The following ATP8B4 variants were observed in gnomAD, a reference collection of about 807,000 sequenced individuals.
The protein encoded by ATP8B4 is probable phospholipid-transporting ATPase IM.
ATP8B4 carries 133 observed loss-of-function variants against 145.6 expected under a neutral mutation model. That is an observed-to-expected ratio of 0.91 (90% CI 0.79 to 1.05). ATP8B4 has a LOEUF of 1.05. Among genes scored for constraint, ATP8B4 ranks in the 50% least tolerant of loss-of-function variants. The pLI, the probability that ATP8B4 is intolerant of heterozygous loss-of-function variation, is 0.00. For missense variants in ATP8B4, 1,458 were observed against 1,425.2 expected, an observed-to-expected ratio of 1.02 and a Z score of -0.37; for synonymous variants, 507 against 492.9, an observed-to-expected ratio of 1.03 and a Z score of -0.38.
chr15:49,915,051 A>G (rs1039015554), intron 20 of ATP8B4, among the ~76,000 whole-genome samples: 1 of 152,192 alleles, frequency 6.6e-6, no homozygotes, highest in Admixed American at 6.5e-5. Flanking sequence ...TATATATGAA[A>G]TCAACCCAAG....
intron 1 of ATP8B4, among the ~76,000 whole-genome samples, chr15:50,169,594 A>G (rs1308812493): frequency 6.6e-6 from 1 of 152,188 alleles, no homozygotes; most frequent in African/African-American, 2.4e-5. Context: ...CAGAAAACCA[A>G]CCCTGGTAAT....
chr15:50,090,120 C>A (rs1481108172), intron 2 of ATP8B4, among the ~76,000 whole-genome samples: 1 of 152,086 alleles, frequency 6.6e-6, no homozygotes. Flanking sequence ...GAACAAAGAA[C>A]CAAACATCGC....
chr15:49,898,384 T>C (rs1040453933), intron 21 of ATP8B4, 133 bp from the exon 22 acceptor site: 6 of 973,798 alleles, frequency 6.2e-6, no homozygotes, highest in African/African-American at 3.3e-5. Flanking sequence ...CAAAAAGTCA[T>C]TGTTGATTCA....
At chr15:50,124,143 A>G (rs1283213808), upstream of ATP8B4, among the ~76,000 whole-genome samples, 2 of 152,144 alleles carry the variant, frequency 1.3e-5, no homozygotes, top group Non-Finnish European at 2.9e-5. Context: ...ATAGCCTTTA[A>G]TATCTAAAAA....
chr15:49,961,824 A>C (rs1234704065), intron 14 of ATP8B4, among the ~76,000 whole-genome samples, 153 bp downstream of exon 14: 1 of 152,032 alleles, frequency 6.6e-6, no homozygotes. Context: ...TATGAGAAGG[A>C]ATTTTGAATC....
At chr15:50,066,952 C>T (rs1029190862) in intron 3 of ATP8B4, among the ~76,000 whole-genome samples, 1 of 152,146 alleles carries the variant, frequency 6.6e-6, no homozygotes, top group Non-Finnish European at 1.5e-5. Context: ...GTTCACCACT[C>T]CCTCTTTCCT....
chr15:50,060,366 AAAC>A, intron 3 of ATP8B4, among the ~76,000 whole-genome samples: 1 of 152,228 alleles, frequency 6.6e-6, no homozygotes, highest in East Asian at 1.9e-4. Context: ...CACCACAACG[AAAC>A]AACAATCCAA....
At chr15:50,072,980 CTATATATATATATATATATATA>C (rs374525582) in intron 3 of ATP8B4, among the ~76,000 whole-genome samples, 1 of 22,888 alleles carries the variant, frequency 4.4e-5, no homozygotes, top group South Asian at 2.1e-3. Context: ...CTCTCTCTCT[CTATATATATATATATATATATA>C]TATATATATA....
At position 49,920,254 on chromosome 15, in the gene ATP8B4, C is replaced by G; in HGVS notation, c.1915G>C (p.Asp639His). Residue 639 changes from aspartate (D) to histidine (H), a missense_variant, in exon 18 of 28, where the codon GAT becomes CAT. Coordinates refer to ENST00000284509, the MANE Select transcript of ATP8B4 (RefSeq NM_024837.4). ...TGCTTCTAAACTCATACCATCAAAT[C>G]TCTTTCAATTTCTTCATATAGCCCA... ...IAGLYEEIER[D>H]LMLLGATAVE... 1 of 1,613,944 alleles carries G rather than the reference C, an allele frequency of 6.2e-7. No individual in the cohort carries two copies.
intron 25 of ATP8B4, 25 bp from the exon 26 acceptor site, chr15:49,866,509 G>A (rs375555077): frequency 2.9e-5 from 46 of 1,610,992 alleles, no homozygotes; most frequent in African/African-American, 8.0e-5. Flanking sequence ...AAATGCAAAC[G>A]GGAGGTCTTT....
At chr15:50,034,746 A>T (rs564630765) in intron 6 of ATP8B4, among the ~76,000 whole-genome samples, 2 of 152,156 alleles carry the variant, frequency 1.3e-5, no homozygotes, top group African/African-American at 2.4e-5. Flanking sequence ...AGTGATTCTA[A>T]TGTGATGTCC....
intron 6 of ATP8B4, among the ~76,000 whole-genome samples, chr15:50,019,778 T>C (rs562713610): frequency 6.6e-6 from 1 of 152,322 alleles, no homozygotes; most frequent in African/African-American, 2.4e-5. Context: ...CCCTCTTTCT[T>C]CAAACCTTTT....
Position 49,916,971 on chromosome 15 carries a change from C to A in ATP8B4, c.2104G>T (p.Ala702Ser), listed in dbSNP as rs1034899995. Residue 702 changes from alanine (A) to serine (S), a missense_variant, in exon 20 of 28, where the codon GCA becomes TCA. Ala to Ser is a moderately conservative substitution (Grantham distance 99, BLOSUM62 1). Transcript: ENST00000284509. ...CTCACTTCCACAGCATTATTCCCTG[C>A]TATCACAAACACATCATTCATGTCG... ...TDDMNDVFVI[A>S]GNNAVEVREE... 2.5e-6 allele frequency: 4 copies of A among 1,613,964 alleles called. No homozygotes were observed. Among genetic ancestry groups the A allele is most frequent in the Non-Finnish European group, 3.4e-6 (4 of 1,179,920 alleles).
intron 1 of ATP8B4, among the ~76,000 whole-genome samples, chr15:50,109,029 T>C (rs2056818831): frequency 6.6e-6 from 1 of 152,160 alleles, no homozygotes; most frequent in South Asian, 2.1e-4. Context: ...CCCCAAAATG[T>C]CCTAGATCTG....
In ATP8B4 at chr15:50,127,339, C is replaced by A. The variant is rs999938398; in HGVS notation, c.-42-20331G>T. Among the ~76,000 whole-genome samples the A allele has an allele frequency of 3.3e-5, 5 of 152,232 alleles. No homozygotes were observed. In the South Asian group the frequency reaches 1.0e-3, roughly 32 times the overall value. On this transcript the variant is annotated intron_variant, in intron 1 of 3. Transcript: ENST00000558829. ...CCAGTGTTAGTATTTGGCTTTGCTGCATGGGCAGGCAGATTAACTGACCCA... is the reference window on the plus strand; with the variant it reads ...CCAGTGTTAGTATTTGGCTTTGCTGAATGGGCAGGCAGATTAACTGACCCA...
intron 20 of ATP8B4, among the ~76,000 whole-genome samples, chr15:49,913,128 T>TTTTTTC (rs1390672051): frequency 6.6e-6 from 1 of 151,614 alleles, no homozygotes; most frequent in South Asian, 2.1e-4. Context: ...ACCTGGCTTT[T>TTTTTTC]TTTTTTGTGT....
At chr15:49,913,383 T>C (rs2039431744) in intron 20 of ATP8B4, among the ~76,000 whole-genome samples, 1 of 152,002 alleles carries the variant, frequency 6.6e-6, no homozygotes, top group African/African-American at 2.4e-5. Context: ...CTCAACATAA[T>C]ACAATCCATA....
intron 2 of ATP8B4, among the ~76,000 whole-genome samples, chr15:50,098,881 A>G (rs2056165617): frequency 6.6e-6 from 1 of 152,220 alleles, no homozygotes; most frequent in South Asian, 2.1e-4. Context: ...AAATCAGAGG[A>G]AAAATGAATA....
intron 14 of ATP8B4, among the ~76,000 whole-genome samples, chr15:49,942,801 G>A (rs2042264855): frequency 1.3e-5 from 2 of 151,600 alleles, no homozygotes; most frequent in African/African-American, 4.9e-5. Flanking sequence ...CTCCAGCCTG[G>A]GTGACAGAGC....
Sources: gnomAD v4.1 joint callset for allele counts (sites outside exome capture counted in the v4.1 genomes callset) on GRCh38, gnomAD v4.1.1 for gene constraint, MANE v1.5 for transcripts, NCBI Gene and HGNC (gene_info 2026-07-23, HGNC 2026-07-21) for gene names.